The following IGSF10 variants were observed in gnomAD, a reference collection of about 807,000 sequenced individuals.
The protein encoded by IGSF10 is immunoglobulin superfamily member 10, also known as calvaria mechanical force protein 608.
A neutral mutation model predicts 128.2 loss-of-function variants in IGSF10; 126 were observed. The ratio of observed to expected loss-of-function variants is 0.98; its 90% confidence interval spans 0.85 to 1.14. The LOEUF is 1.14. Ranked by LOEUF, IGSF10 falls within the 50% of genes most tolerant of loss-of-function variation. IGSF10 has a pLI of 0.00. For missense variants in IGSF10, 3,295 were observed against 3,149.8 expected (o/e 1.05, Z -1.10); for synonymous variants, 1,185 against 1,146.2 (o/e 1.03, Z -0.68).
At chr3:151,570,338 T>A in the IGSF10 span, among the ~76,000 whole-genome samples, 5 of 152,228 alleles carry the variant, frequency 3.3e-5, no homozygotes, top group African/African-American at 1.2e-4. Flanking sequence ...TGAACTAGTT[T>A]ACAGTCCCAC....
At chr3:151,539,338 G>A in the IGSF10 span, among the ~76,000 whole-genome samples, 5 of 152,124 alleles carry the variant, frequency 3.3e-5, no homozygotes, top group African/African-American at 1.2e-4. Context: ...GAAGAGAGGA[G>A]CTAGCTATGA....
chr3:151,585,976 T>A, the IGSF10 span, among the ~76,000 whole-genome samples: 3 of 149,914 alleles, frequency 2.0e-5, no homozygotes, highest in African/African-American at 7.5e-5. Flanking sequence ...TTTGCTCACA[T>A]TAACCATTTT....
At chr3:151,435,282 A>C (rs2108509142), downstream of IGSF10, 1 of 152,218 alleles carries the variant, frequency 6.6e-6, no homozygotes, top group East Asian at 1.9e-4. Flanking sequence ...GGATATAAGA[A>C]GCCCATAGAC....
Position 151,458,689 on chromosome 3 carries a change from T to C in IGSF10, c.21A>G (p.Gly7=). Residue 7 remains glycine, a synonymous_variant, in exon 3 of 8, where the codon GGA becomes GGG. Coordinates refer to ENST00000282466, the MANE Select transcript of IGSF10 (RefSeq NM_178822.5). MKVKGR[G]ITCLLVSFAV... ...CAAAGGAGACCAGCAAGCAGGTGAT[T>C]CCTCTGCCTTTTACCTTCATCCTGA... 1 of 1,613,540 alleles carries C rather than the reference T, an allele frequency of 6.2e-7. No individual in the cohort carries two copies.
chr3:151,504,106 T>C, the IGSF10 span, among the ~76,000 whole-genome samples: 2 of 152,086 alleles, frequency 1.3e-5, no homozygotes, highest in Non-Finnish European at 2.9e-5. Context: ...CTTATAGAGG[T>C]GGTCTGGCCC....
chr3:151,536,865 T>G, the IGSF10 span, among the ~76,000 whole-genome samples: 1 of 152,174 alleles, frequency 6.6e-6, no homozygotes, highest in African/African-American at 2.4e-5. Context: ...AAATTTGATA[T>G]GCAGGTGATA....
At chr3:151,574,859 T>A in the IGSF10 span, among the ~76,000 whole-genome samples, 1 of 152,222 alleles carries the variant, frequency 6.6e-6, no homozygotes, top group Non-Finnish European at 1.5e-5. Flanking sequence ...TGTGGTTTTA[T>A]CTACCTTTGG....
At chr3:151,539,328 G>A in the IGSF10 span, among the ~76,000 whole-genome samples, 1 of 152,112 alleles carries the variant, frequency 6.6e-6, no homozygotes, top group Non-Finnish European at 1.5e-5. Flanking sequence ...AGAGGAAGGG[G>A]AAGAGAGGAG....
chr3:151,437,172 A>C lies in IGSF10; in HGVS notation c.7389T>G (p.Asn2463Lys). 1 of 1,614,192 alleles carries C rather than the reference A, an allele frequency of 6.2e-7. No homozygotes were observed. Among genetic ancestry groups the C allele is most frequent in the Non-Finnish European group, 8.5e-7 (1 of 1,180,032 alleles). ...AACCACTTGGCATAGTCCATTTGAT[A>C]TTTGGCTTAGGGATTCCATCAGACA... ...HCVSDGIPKP[N>K]IKWTMPSGYV... Residue 2463 changes from asparagine (N) to lysine (K), a missense_variant, in exon 8 of 8, where the codon AAT becomes AAG. Transcript: ENST00000282466.
At chr3:151,435,294 C>T (rs1423771947), downstream of IGSF10, 1 of 152,018 alleles carries the variant, frequency 6.6e-6, no homozygotes, top group Non-Finnish European at 1.5e-5. Flanking sequence ...CCCATAGACT[C>T]TCTTGTTTAC....
chr3:151,568,093 G>A, the IGSF10 span, among the ~76,000 whole-genome samples: 2 of 152,162 alleles, frequency 1.3e-5, no homozygotes, highest in Admixed American at 6.5e-5. Flanking sequence ...AAGACCCTCT[G>A]TTCTGGTAGG....
upstream of IGSF10, among the ~76,000 whole-genome samples, chr3:151,464,159 G>A (rs1400797293): frequency 6.6e-6 from 1 of 152,164 alleles, no homozygotes; most frequent in Admixed American, 6.5e-5. Flanking sequence ...TCCTAAACCT[G>A]TGTTTCCTGG....
chr3:151,616,051 G>A, the IGSF10 span, among the ~76,000 whole-genome samples: 410 of 145,922 alleles, frequency 2.8e-3, 1 homozygote, highest in African/African-American at 0.01. Flanking sequence ...CACAACCTCC[G>A]CCTCCTGGGT....
chr3:151,560,325 C>G, the IGSF10 span, among the ~76,000 whole-genome samples: 1 of 152,066 alleles, frequency 6.6e-6, no homozygotes, highest in African/African-American at 2.4e-5. Flanking sequence ...ACATTTCCTC[C>G]TCTCACACTC....
the IGSF10 span, among the ~76,000 whole-genome samples, chr3:151,575,546 A>G: frequency 6.6e-6 from 1 of 152,198 alleles, no homozygotes; most frequent in African/African-American, 2.4e-5. Context: ...GCAGGATATA[A>G]TCTCCTGGTG....
the IGSF10 span, among the ~76,000 whole-genome samples, chr3:151,585,192 T>C: frequency 1.3e-5 from 2 of 152,180 alleles, no homozygotes; most frequent in African/African-American, 4.8e-5. Flanking sequence ...TACAAAAAAG[T>C]ATGCAAAATA....
chr3:151,448,894 C>T lies in IGSF10; in HGVS notation c.1087G>A (p.Val363Met), dbSNP rs1230265960. 1.3e-5 allele frequency: 21 copies of T among 1,614,188 alleles called. No individual in the cohort carries two copies. The highest frequency in any genetic ancestry group is 1.6e-5 in the Non-Finnish European group (19 of 1,180,044). Residue 363 changes from valine to methionine, a missense_variant, in exon 6 of 8, where the codon GTG becomes ATG. Physicochemically the swap from Val to Met is conservative, Grantham distance 21. Transcript: ENST00000282466. ...VLNTSFSTFLVCNIDYGHIQP... is the reference protein window; with the variant it reads ...VLNTSFSTFLMCNIDYGHIQP... The stretch of plus-strand genomic sequence containing the variant: ...ATGTGACCGTAATCTATGTTGCACA[C>T]CAAAAATGTTGAAAATGAAGTATTT...
At chr3:151,515,169 G>C in the IGSF10 span, among the ~76,000 whole-genome samples, 3 of 151,946 alleles carry the variant, frequency 2.0e-5, no homozygotes, top group Non-Finnish European at 4.4e-5. Context: ...ACATGCACAC[G>C]TATGTTTATT....
Position 151,443,501 on chromosome 3 carries a change from C to T in IGSF10, c.5446G>A (p.Gly1816Ser). Residue 1816 changes from glycine to serine, a missense_variant, in exon 7 of 8, where the codon GGC (glycine) becomes AGC (serine). Gly to Ser is a moderately conservative substitution (Grantham distance 56). Transcript: ENST00000282466. ...VLHNLSIYDR[G>S]FYKCVASNPG... The stretch of plus-strand genomic sequence containing the variant: ...TTGCTGGCCACACATTTGTAAAAGC[C>T]ACGGTCATAAATACTGAGATTGTGG... 6.2e-7 allele frequency: 1 copy of T among 1,614,226 alleles called. No homozygotes were observed. The highest frequency in any genetic ancestry group is 8.5e-7 in the Non-Finnish European group (1 of 1,180,038).
Sources: gnomAD v4.1 joint callset for allele counts (sites outside exome capture counted in the v4.1 genomes callset) on GRCh38, gnomAD v4.1.1 for gene constraint, MANE v1.5 for transcripts, NCBI Gene and HGNC (gene_info 2026-07-23, HGNC 2026-07-21) for gene names.